ZC3H13: variants seen among roughly 807,000 people sequenced by gnomAD.
The protein encoded by ZC3H13 is zinc finger CCCH domain-containing protein 13.
ZC3H13 carries 64 observed loss-of-function variants against 204.1 expected under a neutral mutation model. The observed-to-expected ratio is 0.31, with a 90% CI of 0.26 to 0.39. The LOEUF (loss-of-function observed/expected upper bound fraction) is 0.39. ZC3H13 is among the 10% of genes least tolerant of loss of function. ZC3H13 has a pLI of 1.00. For missense variants in ZC3H13, 1,833 were observed against 2,082.7 expected (o/e 0.88, Z 2.33); for synonymous variants, 667 against 693.7 (o/e 0.96, Z 0.60).
intron 4 of ZC3H13, among the ~76,000 whole-genome samples, chr13:46,033,535 A>T (rs2043028539): frequency 6.6e-6 from 1 of 152,148 alleles, no homozygotes; most frequent in Admixed American, 6.5e-5. Flanking sequence ...GTTAAGTAAA[A>T]GTCCTGCAGT....
chr13:46,015,966 C>A (rs1248946187), intron 5 of ZC3H13, among the ~76,000 whole-genome samples: 2 of 151,496 alleles, frequency 1.3e-5, no homozygotes, highest in African/African-American at 4.8e-5. Context: ...AATAGCAGAA[C>A]GGCAGACATT....
At chr13:46,036,750 A>G (rs962441351) in intron 4 of ZC3H13, among the ~76,000 whole-genome samples, 2 of 152,062 alleles carry the variant, frequency 1.3e-5, no homozygotes, top group Non-Finnish European at 1.5e-5. Flanking sequence ...TTTTTTTGAG[A>G]CAGAGTCTTA....
At chr13:45,965,818 T>G (rs1952031958) in intron 15 of ZC3H13, among the ~76,000 whole-genome samples, 1 of 152,158 alleles carries the variant, frequency 6.6e-6, no homozygotes. Context: ...TTTCAAATTT[T>G]CACAATTTAT....
At chr13:45,987,787 G>A (rs550014267) in intron 9 of ZC3H13, among the ~76,000 whole-genome samples, 4 of 152,266 alleles carry the variant, frequency 2.6e-5, no homozygotes, top group Non-Finnish European at 5.9e-5. Context: ...TACTTACTAT[G>A]TTAAAAAATG....
chr13:45,980,610 A>G (rs1353140500), intron 10 of ZC3H13, among the ~76,000 whole-genome samples: 1 of 152,196 alleles, frequency 6.6e-6, no homozygotes, highest in African/African-American at 2.4e-5. Flanking sequence ...AATGACCGAT[A>G]TATGCAACAA....
At chr13:45,992,772 A>C (rs1380605432) in intron 8 of ZC3H13, among the ~76,000 whole-genome samples, 1 of 152,124 alleles carries the variant, frequency 6.6e-6, no homozygotes, top group Non-Finnish European at 1.5e-5. Context: ...GTATCATCTG[A>C]TCTACTGAGG....
At chr13:45,998,698 T>A (rs1332914571) in intron 8 of ZC3H13, among the ~76,000 whole-genome samples, 4 of 152,070 alleles carry the variant, frequency 2.6e-5, no homozygotes, top group African/African-American at 4.8e-5. Context: ...ACTTTATTGT[T>A]AAAGAAATGC....
chr13:45,967,450 A>C, intron 15 of ZC3H13, 54 bp downstream of exon 15: 1 of 1,478,888 alleles, frequency 6.8e-7, no homozygotes, highest in Non-Finnish European at 8.9e-7. Context: ...GTTGTTTCCC[A>C]CGAAATCTGA....
chr13:46,041,601 A>C (rs537144242), intron 4 of ZC3H13, among the ~76,000 whole-genome samples: 1 of 152,280 alleles, frequency 6.6e-6, no homozygotes, highest in South Asian at 2.1e-4. Flanking sequence ...GAAAAAAATT[A>C]GCTCTGGGAA....
chr13:45,973,828 ATC>A (rs1041042553), intron 12 of ZC3H13, among the ~76,000 whole-genome samples: 4 of 152,204 alleles, frequency 2.6e-5, no homozygotes, highest in African/African-American at 9.7e-5. Context: ...TAAAAAAGGT[ATC>A]TCTGAAGTTT....
chr13:46,039,057 T>C (rs1368087608), intron 4 of ZC3H13, among the ~76,000 whole-genome samples: 2 of 152,132 alleles, frequency 1.3e-5, no homozygotes, highest in African/African-American at 4.8e-5. Context: ...AATATCCTGG[T>C]GTCCCAGGTT....
chr13:45,962,108 CCTA>C lies in ZC3H13; in HGVS notation c.4675+1731_4675+1733del, dbSNP rs1237291244. 27 of 919,540 alleles carry C rather than the reference CCTA, an allele frequency of 2.9e-5. No individual in the cohort carries two copies. In the African/African-American group the frequency reaches 4.5e-4, roughly 15 times the overall value. The allele number at this position is 919,540 out of a possible 1,614,324, so 57.0% of individuals were successfully genotyped here. ...TTATTTCATAAATATTTACTGAAAA[CCTA>C]CTATGTATGTCAGGCACTTTTCTGG... On this transcript the variant is annotated intron_variant, in intron 17 of 18. Coordinates refer to ENST00000679008, the MANE Select transcript of ZC3H13 (RefSeq NM_001330564.2).
intron 4 of ZC3H13, among the ~76,000 whole-genome samples, chr13:46,036,782 G>A (rs1161141069): frequency 6.6e-6 from 1 of 152,076 alleles, no homozygotes; most frequent in African/African-American, 2.4e-5. Context: ...AGGCTAGCAT[G>A]ATCTCAGCTC....
intron 10 of ZC3H13, among the ~76,000 whole-genome samples, chr13:45,981,960 T>C (rs1281178153): frequency 6.6e-6 from 1 of 151,354 alleles, no homozygotes; most frequent in East Asian, 1.9e-4. Context: ...ATGACACATG[T>C]ATACATATGT....
chr13:46,033,106 A>C (rs2043001085), intron 4 of ZC3H13, among the ~76,000 whole-genome samples: 1 of 152,124 alleles, frequency 6.6e-6, no homozygotes, highest in South Asian at 2.1e-4. Flanking sequence ...TCTGAATGTA[A>C]AACTGTTTTG....
At chr13:45,992,830 C>G (rs992232540) in intron 8 of ZC3H13, among the ~76,000 whole-genome samples, 1 of 152,128 alleles carries the variant, frequency 6.6e-6, no homozygotes, top group Admixed American at 6.6e-5. Flanking sequence ...CTCTGCCTGA[C>G]TGCTTGAGCT....
rs111564493 is a variant in ZC3H13, at chr13:46,025,008, C to T, written c.340-4451G>A. Reference sequence around the variant, plus strand: ...TATATTGGATTTACTTACATCTTTCCACAATTACTTGGAGAAATTTCCTTT... The same window carrying T: ...TATATTGGATTTACTTACATCTTTCTACAATTACTTGGAGAAATTTCCTTT... On this transcript the variant is annotated intron_variant, in intron 4 of 18. Transcript: ENST00000679008. 5.6e-3 allele frequency among the ~76,000 whole-genome samples: 846 copies of T among 152,238 alleles called. 3 individuals are homozygous for T. The highest frequency in any genetic ancestry group is 9.6e-3 in the Non-Finnish European group (656 of 67,998).
At chr13:46,019,159 A>G (rs940903168) in intron 5 of ZC3H13, among the ~76,000 whole-genome samples, 1 of 152,178 alleles carries the variant, frequency 6.6e-6, no homozygotes, top group South Asian at 2.1e-4. Flanking sequence ...AATTACTGGA[A>G]AGATGTATTT....
At chr13:46,038,397 G>C (rs139720433) in intron 4 of ZC3H13, among the ~76,000 whole-genome samples, 1 of 152,062 alleles carries the variant, frequency 6.6e-6, no homozygotes, top group African/African-American at 2.4e-5. Context: ...CATTTTGCTC[G>C]TATCTTTCTG....
Sources: allele counts gnomAD v4.1 joint callset (sites outside exome capture counted in the v4.1 genomes callset), GRCh38; gene constraint gnomAD v4.1.1; transcripts MANE v1.5; gene names NCBI Gene and HGNC (gene_info 2026-07-23, HGNC 2026-07-21).